The following ZFAND3 variants were observed in gnomAD, a reference collection of about 807,000 sequenced individuals.
ZFAND3 encodes the protein zinc finger AN1-type containing 3.
Under a neutral mutation model 29.6 loss-of-function variants are expected in ZFAND3, and 10 were observed. The ratio of observed to expected loss-of-function variants is 0.34; its 90% CI spans 0.21 to 0.57. ZFAND3 has a LOEUF of 0.57. Among genes scored for constraint, ZFAND3 ranks in the 20% least tolerant of loss-of-function variants. The pLI is 0.86. For synonymous variants in ZFAND3, 128 were observed against 112.6 expected, an observed-to-expected ratio of 1.14 and a Z score of -0.87; for missense variants, 230 against 304.5, an observed-to-expected ratio of 0.76 and a Z score of 1.82.
At chr6:37,824,365 G>A (rs1028012331) in intron 1 of ZFAND3, among the ~76,000 whole-genome samples, 2 of 152,290 alleles carry the variant, frequency 1.3e-5, no homozygotes, top group South Asian at 2.1e-4. Flanking sequence ...AAGTGCTGAG[G>A]TGTGTAGATT....
At chr6:38,072,019 C>T (rs1385012856) in intron 3 of ZFAND3, among the ~76,000 whole-genome samples, 3 of 152,076 alleles carry the variant, frequency 2.0e-5, no homozygotes, top group Non-Finnish European at 4.4e-5. Context: ...ATACAGTAAC[C>T]CCAAGACAAA....
intron 1 of ZFAND3, among the ~76,000 whole-genome samples, chr6:37,829,413 G>A (rs928414594): frequency 6.6e-6 from 1 of 152,052 alleles, no homozygotes; most frequent in African/African-American, 2.4e-5. Context: ...GCCTGCGCCT[G>A]TAATCCCAGC....
intron 2 of ZFAND3, among the ~76,000 whole-genome samples, chr6:38,052,755 G>A (rs193241379): frequency 1.5e-4 from 23 of 152,154 alleles, no homozygotes; most frequent in Admixed American, 9.8e-4. Flanking sequence ...CATGTTGACC[G>A]CCGGGCGTGG....
In ZFAND3 at chr6:37,934,403, C is replaced by G. The variant is rs112030842; in HGVS notation, c.112+4404C>G. Among the ~76,000 whole-genome samples, 72 of 151,936 alleles carry G rather than the reference C, an allele frequency of 4.7e-4. 1 individual carries two copies. Among genetic ancestry groups the G allele is most frequent in the African/African-American group, 9.7e-4 (40 of 41,442 alleles). ...AATATTTTCTATGCCAGGATAACTACGACACTTACAGTTAAGTATTCTGGG... is the reference window on the plus strand; with the variant it reads ...AATATTTTCTATGCCAGGATAACTAGGACACTTACAGTTAAGTATTCTGGG... On this transcript the variant is annotated intron_variant, in intron 2 of 5. Coordinates refer to ENST00000287218, the MANE Select transcript of ZFAND3 (RefSeq NM_021943.3).
At chr6:38,043,463 C>T (rs1316324976) in intron 2 of ZFAND3, among the ~76,000 whole-genome samples, 2 of 148,990 alleles carry the variant, frequency 1.3e-5, no homozygotes, top group Admixed American at 6.7e-5. Context: ...CTCTTCTCTC[C>T]CCTCCACCTT....
intron 1 of ZFAND3, among the ~76,000 whole-genome samples, chr6:37,910,073 T>A (rs1185542031): frequency 1.3e-5 from 2 of 152,258 alleles, no homozygotes; most frequent in African/African-American, 4.8e-5. Context: ...TTGAGAGCCA[T>A]ACACTTGTTT....
intron 1 of ZFAND3, among the ~76,000 whole-genome samples, chr6:37,857,055 A>C (rs895215426): frequency 3.3e-5 from 5 of 151,774 alleles, no homozygotes; most frequent in Non-Finnish European, 7.4e-5. Flanking sequence ...CAATCCTCCC[A>C]CTTCAGCCTC....
chr6:37,893,674 C>T (rs1765144869), intron 1 of ZFAND3, among the ~76,000 whole-genome samples: 1 of 152,120 alleles, frequency 6.6e-6, no homozygotes, highest in Non-Finnish European at 1.5e-5. Context: ...CTGCCTCAGC[C>T]TCCTGAGTAG....
chr6:37,892,427 T>A (rs1765121829), intron 1 of ZFAND3, among the ~76,000 whole-genome samples: 1 of 152,174 alleles, frequency 6.6e-6, no homozygotes, highest in Admixed American at 6.5e-5. Context: ...GAGATGCTCT[T>A]AAACATTTTT....
At chr6:38,059,192 C>T (rs1764189224) in intron 2 of ZFAND3, among the ~76,000 whole-genome samples, 1 of 152,136 alleles carries the variant, frequency 6.6e-6, no homozygotes, top group African/African-American at 2.4e-5. Flanking sequence ...CGTTTTTCTC[C>T]TTATCCCTTG....
chr6:37,967,947 G>C (rs1214532537), intron 2 of ZFAND3, among the ~76,000 whole-genome samples: 2 of 152,008 alleles, frequency 1.3e-5, no homozygotes, highest in African/African-American at 4.8e-5. Flanking sequence ...TAATCCTCTT[G>C]TTTTGGTGTT....
At chr6:38,074,622 G>GA (rs1764517915) in intron 3 of ZFAND3, among the ~76,000 whole-genome samples, 1 of 152,230 alleles carries the variant, frequency 6.6e-6, no homozygotes. Context: ...TGCTGATGTA[G>GA]AAGCTGTAGC....
chr6:37,886,966 C>T (rs528126327), intron 1 of ZFAND3, among the ~76,000 whole-genome samples: 1 of 152,310 alleles, frequency 6.6e-6, no homozygotes, highest in South Asian at 2.1e-4. Flanking sequence ...ATCACATACA[C>T]TTCACCCCAG....
intron 4 of ZFAND3, among the ~76,000 whole-genome samples, chr6:38,107,558 A>G (rs996474057): frequency 6.6e-6 from 1 of 152,304 alleles, no homozygotes; most frequent in South Asian, 2.1e-4. Context: ...CCTGCCAGGC[A>G]CAGTGGCTCA....
intron 1 of ZFAND3, among the ~76,000 whole-genome samples, chr6:37,911,126 A>G (rs921609703): frequency 1.3e-5 from 2 of 152,116 alleles, no homozygotes; most frequent in Non-Finnish European, 2.9e-5. Context: ...TGTTTTCCAT[A>G]TTGGATGTAC....
intron 1 of ZFAND3, among the ~76,000 whole-genome samples, chr6:37,851,694 T>G (rs1453535394): frequency 6.6e-6 from 1 of 152,226 alleles, no homozygotes; most frequent in African/African-American, 2.4e-5. Context: ...AGGCAGTATA[T>G]GTATAGAAGT....
At chr6:38,116,777 C>G (rs753513991) in intron 5 of ZFAND3, 38 bp downstream of exon 5, 5 of 1,586,284 alleles carry the variant, frequency 3.2e-6, no homozygotes, top group Admixed American at 1.7e-5. Context: ...GAGACTATAT[C>G]CTTAACACCT....
chr6:37,869,007 C>A (rs1764641991), intron 1 of ZFAND3, among the ~76,000 whole-genome samples: 1 of 152,218 alleles, frequency 6.6e-6, no homozygotes, highest in South Asian at 2.1e-4. Flanking sequence ...AGAGTTAGGG[C>A]TATTAGGATT....
At chr6:37,936,715 TTGTC>T (rs951799699) in intron 2 of ZFAND3, among the ~76,000 whole-genome samples, 1 of 152,210 alleles carries the variant, frequency 6.6e-6, no homozygotes, top group Non-Finnish European at 1.5e-5. Context: ...AATTTTAATT[TTGTC>T]TGTGTTTTCA....
Sources: gnomAD v4.1 joint callset for allele counts (sites outside exome capture counted in the v4.1 genomes callset) on GRCh38, gnomAD v4.1.1 for gene constraint, MANE v1.5 for transcripts, NCBI Gene and HGNC (gene_info 2026-07-23, HGNC 2026-07-21) for gene names.